Variants in C8orf34 observed in about 807,000 individuals in gnomAD.
The protein encoded by C8orf34 is chromosome 8 open reading frame 34.
In C8orf34, 65 loss-of-function variants were observed where a neutral mutation model predicts 68.3. The ratio of observed to expected loss-of-function variants is 0.95; its 90% confidence interval spans 0.78 to 1.17. The LOEUF is 1.17. Among genes scored for constraint, C8orf34 ranks in the 50% most tolerant of loss-of-function variants. The pLI is 0.00. For synonymous variants in C8orf34, 244 were observed against 241.2 expected (o/e 1.01, Z -0.11); for missense variants, 664 against 655.4 (o/e 1.01, Z -0.14).
At chr8:68,774,943 C>CAAAAAAAAAAAAAAAAAAAAAAA (rs1491565981) in intron 10 of C8orf34, among the ~76,000 whole-genome samples, 1 of 36,354 alleles carries the variant, frequency 2.8e-5, no homozygotes, top group Admixed American at 2.1e-4. Flanking sequence ...CCTGTCTCCA[C>CAAAAAAAAAAAAAAAAAAAAAAA]TAAAAAAAAA....
intron 10 of C8orf34, among the ~76,000 whole-genome samples, chr8:68,738,690 A>C (rs1281983826): frequency 6.6e-6 from 1 of 152,158 alleles, no homozygotes; most frequent in Non-Finnish European, 1.5e-5. Context: ...TCTAGAGGAA[A>C]TGGATAAATT....
chr8:68,564,484 G>C (rs1816525661), intron 7 of C8orf34, among the ~76,000 whole-genome samples: 1 of 152,156 alleles, frequency 6.6e-6, no homozygotes, highest in Non-Finnish European at 1.5e-5. Context: ...TGAAGAACTG[G>C]ATATTGCACC....
chr8:68,347,600 T>C (rs1806336594), intron 1 of C8orf34, among the ~76,000 whole-genome samples: 1 of 152,152 alleles, frequency 6.6e-6, no homozygotes, highest in African/African-American at 2.4e-5. Context: ...TGTTCCCTTT[T>C]CTCCACAACC....
chr8:68,436,354 G>A (rs970070797), intron 1 of C8orf34, among the ~76,000 whole-genome samples: 6 of 152,154 alleles, frequency 3.9e-5, no homozygotes, highest in African/African-American at 1.4e-4. Flanking sequence ...TCCTGTTGGT[G>A]ACAGCTGCTA....
chr8:68,599,348 A>T (rs1817632142), intron 7 of C8orf34, among the ~76,000 whole-genome samples: 2 of 152,088 alleles, frequency 1.3e-5, no homozygotes, highest in African/African-American at 4.8e-5. Context: ...AAAATAAAAA[A>T]TGCTAAGGAG....
At chr8:68,596,483 C>A (rs1230819237) in intron 7 of C8orf34, among the ~76,000 whole-genome samples, 1 of 152,078 alleles carries the variant, frequency 6.6e-6, no homozygotes, top group Non-Finnish European at 1.5e-5. Context: ...AGATAGTCTG[C>A]TACAATGTTG....
chr8:68,665,043 A>G (rs2130822146), intron 8 of C8orf34, among the ~76,000 whole-genome samples: 1 of 152,352 alleles, frequency 6.6e-6, no homozygotes, highest in African/African-American at 2.4e-5. Flanking sequence ...TTATGTTGCA[A>G]ACGCTAATTC....
chr8:68,554,500 TAC>T (rs1463695301), intron 7 of C8orf34, among the ~76,000 whole-genome samples: 7 of 152,136 alleles, frequency 4.6e-5, no homozygotes, highest in Non-Finnish European at 1.0e-4. Context: ...GTATATGAGG[TAC>T]AGTCACTCTT....
chr8:68,514,854 C>A (rs910811327), intron 5 of C8orf34, among the ~76,000 whole-genome samples: 1 of 151,732 alleles, frequency 6.6e-6, no homozygotes, highest in Non-Finnish European at 1.5e-5. Flanking sequence ...CAGGCAGAAA[C>A]ACAATAAGAG....
chr8:68,720,766 T>C (rs903210604), intron 9 of C8orf34, among the ~76,000 whole-genome samples: 2 of 151,910 alleles, frequency 1.3e-5, no homozygotes, highest in African/African-American at 4.8e-5. Flanking sequence ...AGAAGACATA[T>C]GAAAAAGGTT....
rs1223376102 is a variant in C8orf34 at position 68,372,687 on chromosome 8, G to A, written c.327+41348G>A. Reference sequence around the variant, plus strand: ...TACATAGGTATACACGTGCTGTGGTGGTTTGCTGCACCCATCAACCCGTCA... The same window carrying A: ...TACATAGGTATACACGTGCTGTGGTAGTTTGCTGCACCCATCAACCCGTCA... On this transcript the variant is annotated intron_variant, in intron 1 of 13. Coordinates refer to ENST00000518698, the MANE Select transcript of C8orf34 (RefSeq NM_052958.4). Among the ~76,000 whole-genome samples the A allele has an allele frequency of 2.6e-5, 4 of 152,102 alleles. No individual in the cohort carries two copies. In the East Asian group the frequency reaches 7.7e-4, roughly 29 times the overall value.
intron 8 of C8orf34, among the ~76,000 whole-genome samples, chr8:68,693,717 C>A (rs1453640227): frequency 6.6e-6 from 1 of 152,052 alleles, no homozygotes; most frequent in East Asian, 1.9e-4. Context: ...ACCAGTTGAG[C>A]CTGTGAAAAC....
chr8:68,341,960 T>G (rs1011752066), intron 1 of C8orf34, among the ~76,000 whole-genome samples: 1 of 152,174 alleles, frequency 6.6e-6, no homozygotes, highest in East Asian at 1.9e-4. Context: ...TCAAACAATA[T>G]GAGGTTTCAG....
intron 2 of C8orf34, among the ~76,000 whole-genome samples, chr8:68,444,723 A>G (rs2129626546): frequency 6.6e-6 from 1 of 152,304 alleles, no homozygotes; most frequent in East Asian, 1.9e-4. Context: ...ATCTCTTTTC[A>G]ATGAACTGGA....
chr8:68,592,975 C>G (rs937603206), intron 7 of C8orf34, among the ~76,000 whole-genome samples: 12 of 151,964 alleles, frequency 7.9e-5, no homozygotes, highest in Admixed American at 4.6e-4. Context: ...TTGTCTTGCT[C>G]CTAGTCACAA....
rs1273664105 is a variant in C8orf34 at position 68,419,383 on chromosome 8, C to G, written c.328-20116C>G. Among the ~76,000 whole-genome samples, 110 of 149,004 alleles carry G rather than the reference C, an allele frequency of 7.4e-4. 1 individual carries two copies. Among genetic ancestry groups the G allele is most frequent in the African/African-American group, 2.6e-3 (101 of 39,108 alleles). On this transcript the variant is annotated intron_variant, in intron 1 of 13. Coordinates refer to ENST00000518698, the MANE Select transcript of C8orf34 (RefSeq NM_052958.4). The stretch of plus-strand genomic sequence containing the variant: ...GAACACTTTTACACTGTTGGTGGGA[C>G]TCTAAACTAGTTCAACCATTGTGGA...
chr8:68,711,832 A>G lies in C8orf34; in HGVS notation c.1327+2753A>G, dbSNP rs549976980. On this transcript the variant is annotated intron_variant, in intron 9 of 13. Coordinates refer to ENST00000518698, the MANE Select transcript of C8orf34 (RefSeq NM_052958.4). Reference sequence around the variant, plus strand: ...AGAACTCCGAATACAAGAAGCTCAAAGAACACCTGGGAAATTTATTGCAAA... The same window carrying G: ...AGAACTCCGAATACAAGAAGCTCAAGGAACACCTGGGAAATTTATTGCAAA... Among the ~76,000 whole-genome samples, 7 of 152,288 alleles carry G rather than the reference A, an allele frequency of 4.6e-5. No individual in the cohort carries two copies. In the South Asian group the frequency reaches 1.0e-3, roughly 23 times the overall value.
chr8:68,376,746 A>C (rs1807820284), intron 1 of C8orf34, among the ~76,000 whole-genome samples: 1 of 152,000 alleles, frequency 6.6e-6, no homozygotes, highest in Admixed American at 6.6e-5. Flanking sequence ...GGAAACCCAT[A>C]CTGAGTTCTT....
At chr8:68,604,884 C>T (rs1817809081) in intron 7 of C8orf34, among the ~76,000 whole-genome samples, 1 of 152,054 alleles carries the variant, frequency 6.6e-6, no homozygotes, top group East Asian at 1.9e-4. Flanking sequence ...AACTTCTGCT[C>T]TGCAAAAGGC....
Sources: gnomAD v4.1 joint callset for allele counts (sites outside exome capture counted in the v4.1 genomes callset) on GRCh38, gnomAD v4.1.1 for gene constraint, MANE v1.5 for transcripts, NCBI Gene and HGNC (gene_info 2026-07-23, HGNC 2026-07-21) for gene names.